ARHGAP15: variants seen among roughly 807,000 people sequenced by gnomAD.
ARHGAP15 encodes Rho GTPase activating protein 15.
ARHGAP15 carries 51 observed loss-of-function variants against 63.7 expected under a neutral mutation model. That is an observed-to-expected ratio of 0.80 (90% CI 0.64 to 1.01). The LOEUF (loss-of-function observed/expected upper bound fraction) is 1.01, where lower values mean the gene tolerates loss of function less well. ARHGAP15 is among the 50% of genes least tolerant of loss of function. The probability of loss-of-function intolerance (pLI) is 0.00; values close to 1 mark genes in which losing one functional copy is unlikely to be tolerated. For missense variants in ARHGAP15, 560 were observed against 564.6 expected (o/e 0.99, Z 0.08); for synonymous variants, 191 against 193.8 (o/e 0.99, Z 0.12).
rs760010147 is a variant in ARHGAP15, at chr2:143,754,736, C to T, written c.1245-13253C>T. ...TCATCAAAGTCTCACCTTTCCTAGA[C>T]CCTCCCTCCCCAAGTCCAGAAAATC... is the stretch of plus-strand genomic sequence containing the variant. On this transcript the variant is annotated intron_variant, in intron 13 of 13. Transcript: ENST00000295095. Among the ~76,000 whole-genome samples the T allele has an allele frequency of 2.0e-5, 3 of 152,166 alleles. No homozygotes were observed. The South Asian group carries it at 6.2e-4, about 32-fold the overall frequency.
At chr2:143,631,572 T>C (rs982880709) in intron 12 of ARHGAP15, among the ~76,000 whole-genome samples, 3 of 152,132 alleles carry the variant, frequency 2.0e-5, no homozygotes, top group Admixed American at 6.6e-5. Flanking sequence ...AGATTAATGA[T>C]GTTAAGCATC....
chr2:143,372,035 T>C (rs1686582211), intron 6 of ARHGAP15, among the ~76,000 whole-genome samples: 1 of 151,052 alleles, frequency 6.6e-6, no homozygotes, highest in Non-Finnish European at 1.5e-5. Context: ...AATAAATAAA[T>C]AAATAAATAA....
At chr2:143,711,194 A>G (rs1309962825) in intron 13 of ARHGAP15, among the ~76,000 whole-genome samples, 1 of 151,854 alleles carries the variant, frequency 6.6e-6, no homozygotes, top group Non-Finnish European at 1.5e-5. Flanking sequence ...GACCCTTCAC[A>G]GAAAAAAATT....
intron 10 of ARHGAP15, among the ~76,000 whole-genome samples, chr2:143,538,428 T>C (rs1244559747): frequency 6.6e-6 from 1 of 152,032 alleles, no homozygotes; most frequent in Non-Finnish European, 1.5e-5. Flanking sequence ...TGAATAGGAG[T>C]GGTGAGAGAG....
chr2:143,317,929 G>A (rs1172050954), intron 6 of ARHGAP15, among the ~76,000 whole-genome samples: 4 of 150,706 alleles, frequency 2.7e-5, no homozygotes, highest in African/African-American at 9.7e-5. Flanking sequence ...CTTGCATAGG[G>A]TTTTTGTTTT....
At chr2:143,235,475 A>T (rs1428109853) in intron 5 of ARHGAP15, among the ~76,000 whole-genome samples, 2 of 152,162 alleles carry the variant, frequency 1.3e-5, no homozygotes. Context: ...AGAGAAAAGG[A>T]TTGAGAAGAG....
rs1270809691 is a variant in ARHGAP15, at chr2:143,153,831, TTCTTCTTCTTCTTCC to T, written c.-14-1643_-14-1629del. Among the ~76,000 whole-genome samples, 507 of 63,580 alleles carry T rather than the reference TTCTTCTTCTTCTTCC, an allele frequency of 8.0e-3. 5 individuals are homozygous for T. Among genetic ancestry groups the T allele is most frequent in the African/African-American group, 0.025 (445 of 17,688 alleles). The allele number at this position is 63,580 out of a possible 152,430, so 41.7% of individuals were successfully genotyped here. ...CTTCTTCTTCTTCTTCTTCTTCTTC[TTCTTCTTCTTCTTCC>T]TCCTCCTCCTCCTCCTCCTCCTCCT... On this transcript the variant is annotated intron_variant, in intron 1 of 13. Coordinates refer to ENST00000295095, the MANE Select transcript of ARHGAP15 (RefSeq NM_018460.4).
intron 6 of ARHGAP15, among the ~76,000 whole-genome samples, chr2:143,274,682 C>A (rs1331919868): frequency 6.6e-6 from 1 of 152,174 alleles, no homozygotes; most frequent in African/African-American, 2.4e-5. Context: ...CACAAGACAA[C>A]ACATCGTGTT....
intron 12 of ARHGAP15, among the ~76,000 whole-genome samples, chr2:143,689,628 T>C (rs1375368342): frequency 6.6e-6 from 1 of 152,214 alleles, no homozygotes; most frequent in African/African-American, 2.4e-5. Flanking sequence ...CATTAATTCT[T>C]ATCTAGCATA....
At chr2:143,187,012 C>T (rs354729) in intron 2 of ARHGAP15, among the ~76,000 whole-genome samples, 43,070 of 151,886 alleles carry the variant, frequency 0.28, 6,709 homozygotes, top group Admixed American at 0.38. Context: ...AGTGGAAATA[C>T]GAAAATGTTT....
intron 11 of ARHGAP15, among the ~76,000 whole-genome samples, chr2:143,595,722 C>T (rs1697490880): frequency 6.6e-6 from 1 of 152,100 alleles, no homozygotes; most frequent in Non-Finnish European, 1.5e-5. Flanking sequence ...ATCTTGCCCA[C>T]TCATCCTTTC....
At chr2:143,694,477 C>T (rs771714527) in intron 12 of ARHGAP15, among the ~76,000 whole-genome samples, 3 of 152,064 alleles carry the variant, frequency 2.0e-5, no homozygotes, top group South Asian at 4.2e-4. Context: ...GTTTTTTTTC[C>T]GATGATAACA....
intron 6 of ARHGAP15, among the ~76,000 whole-genome samples, chr2:143,356,212 T>C (rs1685804072): frequency 6.6e-6 from 1 of 152,172 alleles, no homozygotes; most frequent in Non-Finnish European, 1.5e-5. Context: ...GGTGCCGACA[T>C]GCCATTCAGT....
rs6722644 is a variant in ARHGAP15 at position 143,168,556 on chromosome 2, A to G, written c.165+12901A>G. Among the ~76,000 whole-genome samples, 290 of 152,220 alleles carry G rather than the reference A, an allele frequency of 1.9e-3. 2 individuals carry two copies. Among genetic ancestry groups the G allele is most frequent in the African/African-American group, 6.7e-3 (277 of 41,566 alleles). On this transcript the variant is annotated intron_variant, in intron 2 of 13. Coordinates refer to ENST00000295095, the MANE Select transcript of ARHGAP15 (RefSeq NM_018460.4). ...GCCTTTCAAGTAACACTAAAAAGTA[A>G]CCATGGTTTTCTGTGGAAAAGGTGT... is the stretch of plus-strand genomic sequence containing the variant.
Position 143,624,148 on chromosome 2 carries a change from TGGACGACAGCCAGTG to T in ARHGAP15, c.1023_1037del (p.Asp341_Trp345del). On this transcript the variant is annotated inframe_deletion, in exon 12 of 14. Coordinates refer to ENST00000295095, the MANE Select transcript of ARHGAP15 (RefSeq NM_018460.4). ...GTTTTCCCAGAAGAGAAGCTGAATT[TGGACGACAGCCAGTG>T]GGAGGACATCCACGTTGTCACCGGA... The T allele has an allele frequency of 6.2e-7, 1 of 1,613,582 alleles. No individual in the cohort carries two copies. Among genetic ancestry groups the T allele is most frequent in the Non-Finnish European group, 8.5e-7 (1 of 1,179,642 alleles).
At chr2:143,325,563 C>T (rs547087358) in intron 6 of ARHGAP15, among the ~76,000 whole-genome samples, 16 of 152,094 alleles carry the variant, frequency 1.1e-4, no homozygotes, top group Non-Finnish European at 2.2e-4. Context: ...ATTTGAAATT[C>T]AAGGAGGAAA....
At chr2:143,334,727 G>A (rs1558901294) in intron 6 of ARHGAP15, among the ~76,000 whole-genome samples, 1 of 152,098 alleles carries the variant, frequency 6.6e-6, no homozygotes, top group Admixed American at 6.5e-5. Flanking sequence ...AAGCAAAGAA[G>A]CATCTAAAAT....
intron 6 of ARHGAP15, among the ~76,000 whole-genome samples, chr2:143,297,321 T>C (rs1277572704): frequency 6.6e-6 from 1 of 151,988 alleles, no homozygotes; most frequent in East Asian, 1.9e-4. Context: ...CCATCCATAA[T>C]GCATTCAACT....
At position 143,428,610 on chromosome 2, in the gene ARHGAP15, A is replaced by G. The variant is rs1295734841; in HGVS notation, c.475-6991A>G. Among the ~76,000 whole-genome samples, 3 of 152,104 alleles carry G rather than the reference A, an allele frequency of 2.0e-5. 1 individual carries two copies. The South Asian group carries it at 6.2e-4, about 31-fold the overall frequency. ...AAGGCACAAAAATTTTCATAATAAT[A>G]TACATGATATTTTCATTAAACTGTA... On this transcript the variant is annotated intron_variant, in intron 6 of 13. Transcript: ENST00000295095.
Sources: gnomAD v4.1 joint callset for allele counts (sites outside exome capture counted in the v4.1 genomes callset) on GRCh38, gnomAD v4.1.1 for gene constraint, MANE v1.5 for transcripts, NCBI Gene and HGNC (gene_info 2026-07-23, HGNC 2026-07-21) for gene names.